The following CALHM5 variants were observed in gnomAD, a reference collection of about 807,000 sequenced individuals.
CALHM5 encodes the protein calcium homeostasis modulator protein 5.
A neutral mutation model predicts 20.9 loss-of-function variants in CALHM5; 17 were observed. That is an observed-to-expected ratio of 0.82 (90% confidence interval 0.56 to 1.22). The LOEUF (loss-of-function observed/expected upper bound fraction) is 1.22. CALHM5 is among the 50% of genes most tolerant of loss of function. The pLI, the probability that CALHM5 is intolerant of heterozygous loss-of-function variation, is 0.00. For synonymous variants in CALHM5, 148 were observed against 140.0 expected (o/e 1.06, Z -0.40); for missense variants, 360 against 364.6 (o/e 0.99, Z 0.10).
chr6:116,516,113 T>G lies in CALHM5; in HGVS notation c.*124T>G. On this transcript the variant is annotated 3_prime_UTR_variant, in exon 2 of 2. Coordinates refer to ENST00000368599, the MANE Select transcript of CALHM5 (RefSeq NM_153711.5). ...CATTTGGAGTATGTTTACAAGACAA[T>G]AACACAAAGGAAACTGCTTTGAAGC... is the stretch of plus-strand genomic sequence containing the variant. The G allele has an allele frequency of 1.5e-6, 2 of 1,307,234 alleles. No individual in the cohort carries two copies. Among genetic ancestry groups the G allele is most frequent in the Non-Finnish European group, 2.0e-6 (2 of 981,082 alleles). 81.0% of individuals were successfully genotyped at this position (1,307,234 alleles called of 1,614,324 possible). A position where few individuals can be genotyped will look rare whatever the true frequency, so the allele number is the denominator to read the frequency against.
rs1368989885 is a variant in CALHM5, at chr6:116,511,668, A to G, written c.-29A>G. ...CAGCTGCTCTGCCAATAACAAAGGC[A>G]CAGCATTTTCCCTCTGTGCATCTCC... is the stretch of plus-strand genomic sequence containing the variant. On this transcript the variant is annotated 5_prime_UTR_variant, in exon 1 of 2. Coordinates refer to ENST00000368599, the MANE Select transcript of CALHM5 (RefSeq NM_153711.5). The G allele has an allele frequency of 1.3e-6, 2 of 1,599,034 alleles. No homozygotes were observed. Among genetic ancestry groups the G allele is most frequent in the Admixed American group, 1.7e-5 (1 of 58,226 alleles).
Position 116,516,022 on chromosome 6 carries a change from T to C in CALHM5, c.*33T>C, listed in dbSNP as rs372154778. ...ACCATCAATGACTCATGGTGTTGAG[T>C]GGCATGCTCATTCTGTGATCCTCCT... On this transcript the variant is annotated 3_prime_UTR_variant, in exon 2 of 2. Transcript: ENST00000368599. 6.4e-5 allele frequency: 99 copies of C among 1,544,408 alleles called. No individual in the cohort carries two copies. In the African/African-American group the frequency reaches 1.1e-3, roughly 18 times the overall value.
At position 116,515,917 on chromosome 6, in the gene CALHM5, C is replaced by T. The variant is rs1772215621; in HGVS notation, c.858C>T (p.Asp286=). Residue 286 remains aspartate (D), a synonymous_variant, in exon 2 of 2, where the codon GAC becomes GAT. Coordinates refer to ENST00000368599, the MANE Select transcript of CALHM5 (RefSeq NM_153711.5). ...ATAGCACCCTCCACAGAGTGGTGGA[C>T]AATGGTCTGCAACTTAGCCCTGAGG... ...QHYSTLHRVV[D]NGLQLSPEDD... The T allele has an allele frequency of 3.1e-6, 5 of 1,613,590 alleles. No individual in the cohort carries two copies. The highest frequency in any genetic ancestry group is 4.2e-6 in the Non-Finnish European group (5 of 1,179,800).
In CALHM5 at chr6:116,515,660, G is replaced by A; in HGVS notation, c.601G>A (p.Ala201Thr). Residue 201 changes from alanine (A) to threonine (T), a missense_variant, in exon 2 of 2, where the codon GCT (alanine) becomes ACT (threonine). Ala to Thr is a moderately conservative substitution (Grantham distance 58, BLOSUM62 0). Transcript: ENST00000368599. ...SFFSLLTTCY[A>T]RCRSKVSYLQ... Reference sequence around the variant, plus strand: ...CTTCTCTCTGCTCACCACATGTTATGCTCGCTGCCGATCTAAAGTTAGCTA... The same window carrying A: ...CTTCTCTCTGCTCACCACATGTTATACTCGCTGCCGATCTAAAGTTAGCTA... 1 of 1,614,004 alleles carries A rather than the reference G, an allele frequency of 6.2e-7. No individual in the cohort carries two copies.
In CALHM5 at chr6:116,522,186, G is replaced by A. The variant is rs1418204522; in HGVS notation, c.*6197G>A. 6.6e-6 allele frequency: 1 copy of A among 152,284 alleles called. No homozygotes were observed. Among genetic ancestry groups the A allele is most frequent in the African/African-American group, 2.4e-5 (1 of 41,462 alleles). The allele number at this position is 152,284 out of a possible 1,614,324, so 9.4% of individuals were successfully genotyped here. ...AGTCCAACCAACAGTGAGAATAAAA[G>A]GCCCCAGATCTATGGCCCTAATCAA... On this transcript the variant is annotated 3_prime_UTR_variant, in exon 2 of 2. Transcript: ENST00000368599.
In CALHM5 at chr6:116,512,053, G is replaced by T. The variant is rs1194260948; in HGVS notation, c.357G>T (p.Leu119=). 1 of 1,614,034 alleles carries T rather than the reference G, an allele frequency of 6.2e-7. No individual in the cohort carries two copies. The highest frequency in any genetic ancestry group is 8.5e-7 in the Non-Finnish European group (1 of 1,179,988). ...CAGTGATGTGGCTTTCTGTGGCTCTGCTCAATGGAACTTTCTATGAATGTG... is the reference window on the plus strand; with the variant it reads ...CAGTGATGTGGCTTTCTGTGGCTCTTCTCAATGGAACTTTCTATGAATGTG... ...VAPVMWLSVA[L]LNGTFYECAM... The change falls in exon 1 of 2, where the codon CTG becomes CTT. Residue 119 remains leucine (L), a synonymous_variant. Transcript: ENST00000368599.
chr6:116,515,959 G>A lies in CALHM5; in HGVS notation c.900G>A (p.Met300Ile). The change falls in exon 2 of 2, where the codon ATG (methionine) becomes ATA (isoleucine). Residue 300 changes from methionine (M) to isoleucine (I), a missense_variant. Met to Ile is a conservative substitution (Grantham distance 10, BLOSUM62 1). Transcript: ENST00000368599. ...GCCCTGAGGATGATGAGACGACAAT[G>A]GTCCTTGTGGGTACTGCCCACAATA... ...QLSPEDDETT[M>I]VLVGTAHNM The A allele has an allele frequency of 1.2e-6, 2 of 1,607,252 alleles. No individual in the cohort carries two copies. The highest frequency in any genetic ancestry group is 1.7e-6 in the Non-Finnish European group (2 of 1,174,906).
In CALHM5 at chr6:116,522,318, G is replaced by A. The variant is rs1772360661; in HGVS notation, c.*6329G>A. ...CCAACTCCATGACCCCAAAAATCAT[G>A]AGCTTAAATAAATGTTTGTGGCTTT... On this transcript the variant is annotated 3_prime_UTR_variant, in exon 2 of 2. Coordinates refer to ENST00000368599, the MANE Select transcript of CALHM5 (RefSeq NM_153711.5). 6.6e-6 allele frequency: 1 copy of A among 152,198 alleles called. No individual in the cohort carries two copies. 9.4% of individuals were successfully genotyped at this position (152,198 alleles called of 1,614,324 possible). A position where few individuals can be genotyped will look rare whatever the true frequency, so the allele number is the denominator to read the frequency against.
chr6:116,515,964 T>G lies in CALHM5; in HGVS notation c.905T>G (p.Leu302Arg), dbSNP rs1772217258. 1.9e-6 allele frequency: 3 copies of G among 1,605,886 alleles called. No individual in the cohort carries two copies. Among genetic ancestry groups the G allele is most frequent in the African/African-American group, 1.3e-5 (1 of 74,870 alleles). ...GAGGATGATGAGACGACAATGGTCCTTGTGGGTACTGCCCACAATATGTAG... is the reference window on the plus strand; with the variant it reads ...GAGGATGATGAGACGACAATGGTCCGTGTGGGTACTGCCCACAATATGTAG... ...SPEDDETTMVLVGTAHNM is the reference protein window; with the variant it reads ...SPEDDETTMVRVGTAHNM Residue 302 changes from leucine to arginine, a missense_variant, in exon 2 of 2, where the codon CTT (leucine) becomes CGT (arginine). Physicochemically the swap from Leu to Arg is moderately radical, Grantham distance 102 (BLOSUM62 -2). Coordinates refer to ENST00000368599, the MANE Select transcript of CALHM5 (RefSeq NM_153711.5).
intron 1 of CALHM5, among the ~76,000 whole-genome samples, chr6:116,515,232 C>T (rs1391926131): frequency 1.3e-5 from 2 of 152,134 alleles, no homozygotes; most frequent in East Asian, 3.9e-4. Context: ...GTCATTTACT[C>T]AAATGACCAC....
chr6:116,524,049 G>C lies in CALHM5; in HGVS notation c.*8060G>C, dbSNP rs1357266099. 6.6e-6 allele frequency: 1 copy of C among 152,158 alleles called. No individual in the cohort carries two copies. The highest frequency in any genetic ancestry group is 1.5e-5 in the Non-Finnish European group (1 of 68,016). 9.4% of individuals were successfully genotyped at this position (152,158 alleles called of 1,614,324 possible). On this transcript the variant is annotated 3_prime_UTR_variant, in exon 2 of 2. Transcript: ENST00000368599. ...TGATTTTTAGAGAATTATTAATTTT[G>C]CTATGTGTGGTAATGGTGTGCCGAT...
rs1397564286 is a variant in CALHM5 at position 116,520,997 on chromosome 6, A to C, written c.*5008A>C. ...TGTACCTGGGTCTCTCATTTTAATA[A>C]ACATAACAGTGGTATGTTAGTCAGG... On this transcript the variant is annotated 3_prime_UTR_variant, in exon 2 of 2. Coordinates refer to ENST00000368599, the MANE Select transcript of CALHM5 (RefSeq NM_153711.5). 1 of 151,950 alleles carries C rather than the reference A, an allele frequency of 6.6e-6. No individual in the cohort carries two copies. Among genetic ancestry groups the C allele is most frequent in the East Asian group, 1.9e-4 (1 of 5,200 alleles). 9.4% of individuals were successfully genotyped at this position (151,950 alleles called of 1,614,324 possible).
rs1204823378 is a variant in CALHM5 at position 116,523,548 on chromosome 6, CA to C, written c.*7561del. The C allele has an allele frequency of 7.2e-5, 11 of 152,138 alleles. 1 individual carries two copies. In the East Asian group the frequency reaches 1.4e-3, roughly 19 times the overall value. The allele number at this position is 152,138 out of a possible 1,614,324, so 9.4% of individuals were successfully genotyped here. Reference sequence around the variant, plus strand: ...CCTTTGATGACAAAATGGATCTAGACAATAAATAATGAATTCTAAACTATTA... The same window carrying C: ...CCTTTGATGACAAAATGGATCTAGACATAAATAATGAATTCTAAACTATTA... On this transcript the variant is annotated 3_prime_UTR_variant, in exon 2 of 2. Coordinates refer to ENST00000368599, the MANE Select transcript of CALHM5 (RefSeq NM_153711.5).
In CALHM5 at chr6:116,523,871, A is replaced by T. The variant is rs1275465156; in HGVS notation, c.*7882A>T. ...ATTTTACAGATGACTCAGTCTCCCC[A>T]CAGATTAACAGTATTAAGAAAGGAG... is the stretch of plus-strand genomic sequence containing the variant. On this transcript the variant is annotated 3_prime_UTR_variant, in exon 2 of 2. Transcript: ENST00000368599. The T allele has an allele frequency of 6.6e-6, 1 of 152,196 alleles. No individual in the cohort carries two copies. The highest frequency in any genetic ancestry group is 1.5e-5 in the Non-Finnish European group (1 of 68,032). The allele number at this position is 152,196 out of a possible 1,614,324, so 9.4% of individuals were successfully genotyped here. A position where few individuals can be genotyped will look rare whatever the true frequency, so the allele number is the denominator to read the frequency against.
chr6:116,515,943 A>T lies in CALHM5; in HGVS notation c.884A>T (p.Asp295Val). 6.2e-7 allele frequency: 1 copy of T among 1,612,574 alleles called. No homozygotes were observed. Among genetic ancestry groups the T allele is most frequent in the Non-Finnish European group, 8.5e-7 (1 of 1,178,916 alleles). Residue 295 changes from aspartate to valine, a missense_variant, in exon 2 of 2, where the codon GAT (aspartate) becomes GTT (valine). By Grantham distance (152) the Asp-to-Val change is radical. Coordinates refer to ENST00000368599, the MANE Select transcript of CALHM5 (RefSeq NM_153711.5). ...VDNGLQLSPE[D>V]DETTMVLVGT... Reference sequence around the variant, plus strand: ...AATGGTCTGCAACTTAGCCCTGAGGATGATGAGACGACAATGGTCCTTGTG... The same window carrying T: ...AATGGTCTGCAACTTAGCCCTGAGGTTGATGAGACGACAATGGTCCTTGTG...
Position 116,515,864 on chromosome 6 carries a change from C to T in CALHM5, c.805C>T (p.His269Tyr). 1 of 1,613,968 alleles carries T rather than the reference C, an allele frequency of 6.2e-7. No individual in the cohort carries two copies. Reference sequence around the variant, plus strand: ...TGCCTGGGAGGCTGCTTCAGAGCTGCATTCTTTCCACCAAAGCCAGCAACA... The same window carrying T: ...TGCCTGGGAGGCTGCTTCAGAGCTGTATTCTTTCCACCAAAGCCAGCAACA... ...FAAWEAASEL[H>Y]SFHQSQQHYS... Residue 269 changes from histidine to tyrosine, a missense_variant, in exon 2 of 2, where the codon CAT (histidine) becomes TAT (tyrosine). By Grantham distance (83) the His-to-Tyr change is moderately conservative (BLOSUM62 2). Coordinates refer to ENST00000368599, the MANE Select transcript of CALHM5 (RefSeq NM_153711.5).
In CALHM5 at chr6:116,522,049, C is replaced by T. The variant is rs372192258; in HGVS notation, c.*6060C>T. 1.3e-5 allele frequency: 2 copies of T among 152,134 alleles called. No individual in the cohort carries two copies. The highest frequency in any genetic ancestry group is 4.8e-5 in the African/African-American group (2 of 41,398). 9.4% of individuals were successfully genotyped at this position (152,134 alleles called of 1,614,324 possible). A position where few individuals can be genotyped will look rare whatever the true frequency, so the allele number is the denominator to read the frequency against. ...GATAAAAAGAGAGAGAGAGAGAGAT[C>T]CCAATGGCTCCAATTGTCTCAGATA... On this transcript the variant is annotated 3_prime_UTR_variant, in exon 2 of 2. Transcript: ENST00000368599.
intron 1 of CALHM5, 167 bp downstream of exon 1, chr6:116,512,403 C>G (rs1206296752): frequency 2.7e-6 from 2 of 752,558 alleles, no homozygotes; most frequent in East Asian, 5.4e-5. Flanking sequence ...TTTTGAAAGG[C>G]TGGGTGGCTC....
Position 116,524,667 on chromosome 6 carries a change from A to G in CALHM5, c.*8678A>G, listed in dbSNP as rs1772412140. 1 of 152,138 alleles carries G rather than the reference A, an allele frequency of 6.6e-6. No individual in the cohort carries two copies. Among genetic ancestry groups the G allele is most frequent in the Non-Finnish European group, 1.5e-5 (1 of 68,010 alleles). 9.4% of individuals were successfully genotyped at this position (152,138 alleles called of 1,614,324 possible). A position where few individuals can be genotyped will look rare whatever the true frequency, so the allele number is the denominator to read the frequency against. ...ATTGGTTTCTTTATCTTTCATGTCC[A>G]AAAATGTTAAATAGGCCTTCAGGTA... On this transcript the variant is annotated 3_prime_UTR_variant, in exon 2 of 2. Coordinates refer to ENST00000368599, the MANE Select transcript of CALHM5 (RefSeq NM_153711.5).
Sources: gnomAD v4.1 joint callset for allele counts (sites outside exome capture counted in the v4.1 genomes callset) on GRCh38, gnomAD v4.1.1 for gene constraint, MANE v1.5 for transcripts, NCBI Gene and HGNC (gene_info 2026-07-23, HGNC 2026-07-21) for gene names.